Variants in SH3GL2 observed in about 807,000 individuals in gnomAD.
The protein encoded by SH3GL2 is SH3 domain containing GRB2 like 2, endophilin A1.
A neutral mutation model predicts 46.0 loss-of-function variants in SH3GL2; 24 were observed. The ratio of observed to expected loss-of-function variants is 0.52; its 90% confidence interval spans 0.38 to 0.73. The LOEUF (loss-of-function observed/expected upper bound fraction) is 0.73. SH3GL2 is among the 30% of genes least tolerant of loss of function. The pLI is 0.00. For missense variants in SH3GL2, 413 were observed against 424.2 expected (o/e 0.97, Z 0.23); for synonymous variants, 196 against 147.1 (o/e 1.33, Z -2.40).
chr9:17,624,510 G>T (rs1359433081), intron 1 of SH3GL2, among the ~76,000 whole-genome samples: 1 of 94,712 alleles, frequency 1.1e-5, no homozygotes, highest in Non-Finnish European at 2.5e-5. Context: ...CTCTAAGCAA[G>T]AGTCTCATAT....
rs142186870 is a variant in SH3GL2, at chr9:17,617,839, C to T, written c.45+38552C>T. Reference sequence around the variant, plus strand: ...TATTTGGAAGGTTGTATGTCAGGACCATCTTCTGTTTGTGAGCGCGAGAGA... The same window carrying T: ...TATTTGGAAGGTTGTATGTCAGGACTATCTTCTGTTTGTGAGCGCGAGAGA... On this transcript the variant is annotated intron_variant, in intron 1 of 8. Transcript: ENST00000380607. Among the ~76,000 whole-genome samples the T allele has an allele frequency of 5.1e-3, 783 of 152,172 alleles. 3 individuals carry two copies. Among genetic ancestry groups the T allele is most frequent in the Non-Finnish European group, 8.0e-3 (541 of 68,032 alleles).
At chr9:17,596,192 C>G (rs1818568130) in intron 1 of SH3GL2, among the ~76,000 whole-genome samples, 1 of 152,102 alleles carries the variant, frequency 6.6e-6, no homozygotes, top group Non-Finnish European at 1.5e-5. Flanking sequence ...GAACACCTGC[C>G]CTGCCCTCCA....
intron 1 of SH3GL2, among the ~76,000 whole-genome samples, chr9:17,692,266 G>T (rs1318952259): frequency 1.5e-5 from 2 of 135,632 alleles, no homozygotes; most frequent in Non-Finnish European, 3.1e-5. Context: ...GGTATACAAT[G>T]GTATTCTTAT....
intron 1 of SH3GL2, among the ~76,000 whole-genome samples, chr9:17,673,556 C>T (rs554410683): frequency 6.6e-6 from 1 of 152,192 alleles, no homozygotes; most frequent in East Asian, 1.9e-4. Flanking sequence ...CACATTGTTC[C>T]CCTTTAAACA....
intron 1 of SH3GL2, among the ~76,000 whole-genome samples, chr9:17,730,419 A>C (rs12003422): frequency 0.3 from 45,109 of 151,936 alleles, 8,132 homozygotes; most frequent in African/African-American, 0.49. Context: ...GACAGTTTGA[A>C]TTCGTCTCTT....
intron 1 of SH3GL2, among the ~76,000 whole-genome samples, chr9:17,640,646 C>T (rs1490271298): frequency 6.6e-6 from 1 of 152,160 alleles, no homozygotes; most frequent in Non-Finnish European, 1.5e-5. Context: ...AGCATATGCC[C>T]TCAGAAGGCT....
chr9:17,771,296 G>A (rs1422759843), intron 3 of SH3GL2, among the ~76,000 whole-genome samples: 1 of 152,182 alleles, frequency 6.6e-6, no homozygotes, highest in African/African-American at 2.4e-5. Context: ...ACCAAAGACT[G>A]AAGATATCTT....
intron 1 of SH3GL2, among the ~76,000 whole-genome samples, chr9:17,694,672 A>G (rs1411517612): frequency 6.6e-6 from 1 of 152,186 alleles, no homozygotes; most frequent in Non-Finnish European, 1.5e-5. Flanking sequence ...AATGTTGGAA[A>G]TGAACATATT....
At position 17,579,187 on chromosome 9, in the gene SH3GL2, G is replaced by C. The variant is rs1251710027; in HGVS notation, c.-56G>C. On this transcript the variant is annotated 5_prime_UTR_variant, in exon 1 of 9. Coordinates refer to ENST00000380607, the MANE Select transcript of SH3GL2 (RefSeq NM_003026.5). ...GCGCGCCGCCCCGCTCGGCCCTCCAGTCCCCCTCCGCCTCCTCCCTCCCGC... is the reference window on the plus strand; with the variant it reads ...GCGCGCCGCCCCGCTCGGCCCTCCACTCCCCCTCCGCCTCCTCCCTCCCGC... 1.5e-6 allele frequency: 2 copies of C among 1,373,540 alleles called. No homozygotes were observed. Among genetic ancestry groups the C allele is most frequent in the African/African-American group, 3.0e-5 (2 of 66,360 alleles). 85.1% of individuals were successfully genotyped at this position (1,373,540 alleles called of 1,614,324 possible).
chr9:17,647,698 A>T (rs982617751), intron 1 of SH3GL2, among the ~76,000 whole-genome samples: 11 of 152,224 alleles, frequency 7.2e-5, no homozygotes, highest in Admixed American at 7.2e-4. Flanking sequence ...AGGAGGGATT[A>T]TAAAGATTAA....
intron 1 of SH3GL2, among the ~76,000 whole-genome samples, chr9:17,741,358 G>A (rs190607618): frequency 3.7e-4 from 56 of 152,106 alleles, no homozygotes; most frequent in Admixed American, 1.8e-3. Context: ...GTATTTAGAC[G>A]GTAGCAAGAT....
intron 1 of SH3GL2, among the ~76,000 whole-genome samples, chr9:17,680,273 T>C (rs571220785): frequency 6.6e-6 from 1 of 152,300 alleles, no homozygotes; most frequent in East Asian, 1.9e-4. Context: ...ATTTTTTTGG[T>C]TGGCAAGCTA....
intron 1 of SH3GL2, among the ~76,000 whole-genome samples, chr9:17,743,041 A>T (rs1822573359): frequency 6.6e-6 from 1 of 152,256 alleles, no homozygotes; most frequent in African/African-American, 2.4e-5. Context: ...TGGAAAAATA[A>T]TAGCATCAAA....
intron 1 of SH3GL2, among the ~76,000 whole-genome samples, chr9:17,715,753 A>T (rs1388835929): frequency 6.6e-6 from 1 of 152,022 alleles, no homozygotes; most frequent in African/African-American, 2.4e-5. Context: ...AGTTGAAAAT[A>T]TCGTAAATTG....
At chr9:17,726,543 G>A (rs965991221) in intron 1 of SH3GL2, among the ~76,000 whole-genome samples, 1 of 152,036 alleles carries the variant, frequency 6.6e-6, no homozygotes, top group African/African-American at 2.4e-5. Flanking sequence ...TAGTGAGCTC[G>A]AATGTTTAAA....
At chr9:17,703,229 G>A (rs1434948624) in intron 1 of SH3GL2, among the ~76,000 whole-genome samples, 1 of 151,810 alleles carries the variant, frequency 6.6e-6, no homozygotes, top group African/African-American at 2.4e-5. Flanking sequence ...GGATTGTATG[G>A]CTCGGGGAAA....
intron 1 of SH3GL2, among the ~76,000 whole-genome samples, chr9:17,727,567 A>G (rs1045705776): frequency 2.0e-5 from 3 of 152,156 alleles, no homozygotes; most frequent in African/African-American, 4.8e-5. Context: ...TTCCTGCCCC[A>G]GGAGTTATTC....
intron 1 of SH3GL2, chr9:17,590,167 T>G (rs1818453158): frequency 6.6e-6 from 1 of 152,252 alleles, no homozygotes; most frequent in Non-Finnish European, 1.5e-5. Context: ...AATGTGCTTC[T>G]TTCTATTGAG....
At chr9:17,688,844 A>G (rs1185070653) in intron 1 of SH3GL2, among the ~76,000 whole-genome samples, 3 of 152,110 alleles carry the variant, frequency 2.0e-5, no homozygotes, top group Non-Finnish European at 4.4e-5. Context: ...GGATAAATTA[A>G]TAAATGGGGG....
Sources: allele counts gnomAD v4.1 joint callset (sites outside exome capture counted in the v4.1 genomes callset), GRCh38; gene constraint gnomAD v4.1.1; transcripts MANE v1.5; gene names NCBI Gene and HGNC (gene_info 2026-07-23, HGNC 2026-07-21).